Variants in YIPF7 observed in about 807,000 individuals in gnomAD.
The protein encoded by YIPF7 is Yip1 domain family member 7, also known as protein YIPF7.
Under a neutral mutation model 27.2 loss-of-function variants are expected in YIPF7, and 35 were observed. The ratio of observed to expected loss-of-function variants is 1.29; its 90% confidence interval spans 0.98 to 1.70. The LOEUF (loss-of-function observed/expected upper bound fraction) is 1.70, where lower values mean the gene tolerates loss of function less well. Ranked by LOEUF, YIPF7 falls within the 40% of genes most tolerant of loss-of-function variation. YIPF7 has a pLI of 0.00. For synonymous variants in YIPF7, 137 were observed against 110.4 expected, an observed-to-expected ratio of 1.24 and a Z score of -1.51; for missense variants, 358 against 303.7, an observed-to-expected ratio of 1.18 and a Z score of -1.33.
intron 1 of YIPF7, among the ~76,000 whole-genome samples, chr4:44,651,191 T>C (rs553284928): frequency 6.6e-6 from 1 of 152,270 alleles, no homozygotes; most frequent in Non-Finnish European, 1.5e-5. Flanking sequence ...TTCAGTTCAA[T>C]GAAAACACAA....
At chr4:44,633,326 A>G (rs1488400750) in intron 3 of YIPF7, among the ~76,000 whole-genome samples, 1 of 152,220 alleles carries the variant, frequency 6.6e-6, no homozygotes, top group Admixed American at 6.5e-5. Flanking sequence ...ATTGAAAGAC[A>G]TGTTAGAGGA....
In YIPF7 at chr4:44,637,340, C is replaced by T. The variant is rs914858574; in HGVS notation, c.117-1255G>A. Among the ~76,000 whole-genome samples, 22 of 152,136 alleles carry T rather than the reference C, an allele frequency of 1.4e-4. No homozygotes were observed. In the South Asian group the frequency reaches 1.4e-3, roughly 10 times the overall value. ...ATCTTCATACTGTTTTCCATAGAGG[C>T]TAATAATTTACATTCCCACCAACAG... On this transcript the variant is annotated intron_variant, in intron 2 of 5. Coordinates refer to ENST00000415895, the MANE Select transcript of YIPF7 (RefSeq NM_182592.3).
At chr4:44,641,780 C>T (rs374124064) in intron 2 of YIPF7, among the ~76,000 whole-genome samples, 11 of 152,130 alleles carry the variant, frequency 7.2e-5, no homozygotes, top group African/African-American at 2.7e-4. Flanking sequence ...CAAATGTATG[C>T]TCATTAAGAG....
At chr4:44,629,618 T>G (rs749788009) in intron 3 of YIPF7, 70 bp from the exon 4 acceptor site, 3 of 1,179,208 alleles carry the variant, frequency 2.5e-6, no homozygotes, top group Non-Finnish European at 3.4e-6. Context: ...GTTACACTCT[T>G]TAAAGGTTAA....
chr4:44,625,937 G>T (rs1712618661), intron 4 of YIPF7, among the ~76,000 whole-genome samples: 1 of 152,166 alleles, frequency 6.6e-6, no homozygotes, highest in Non-Finnish European at 1.5e-5. Flanking sequence ...AACAATGAAG[G>T]ATCTGATAAA....
chr4:44,634,941 G>A (rs1333191543), intron 3 of YIPF7, among the ~76,000 whole-genome samples: 1 of 152,106 alleles, frequency 6.6e-6, no homozygotes, highest in Admixed American at 6.5e-5. Context: ...AAACTTGACT[G>A]GCTTCTAAAG....
At chr4:44,651,222 T>G (rs2046910) in intron 1 of YIPF7, among the ~76,000 whole-genome samples, 3 of 152,014 alleles carry the variant, frequency 2.0e-5, no homozygotes, top group Non-Finnish European at 4.4e-5. Flanking sequence ...TAAAATTAGA[T>G]GCAGCGATTC....
Position 44,649,933 on chromosome 4 carries a change from G to A in YIPF7, c.116+52C>T, listed in dbSNP as rs1420605312. 7 of 933,104 alleles carry A rather than the reference G, an allele frequency of 7.5e-6. No homozygotes were observed. In the South Asian group the frequency reaches 9.5e-5, roughly 13 times the overall value. 57.8% of individuals were successfully genotyped at this position (933,104 alleles called of 1,614,324 possible). ...TATTGAATTTTTACAATATGTGGGT[G>A]ACAGAGTGAGACTCTGTCAAAAAAA... On this transcript the variant is annotated intron_variant, in intron 2 of 5. Transcript: ENST00000415895.
At chr4:44,652,847 C>A (rs1176722729), upstream of YIPF7, among the ~76,000 whole-genome samples, 1 of 151,838 alleles carries the variant, frequency 6.6e-6, no homozygotes, top group Non-Finnish European at 1.5e-5. Flanking sequence ...CCCATTTTAC[C>A]AAAAAATAAA....
chr4:44,629,305 T>C (rs1712789601), intron 4 of YIPF7, 98 bp downstream of exon 4: 5 of 1,295,866 alleles, frequency 3.9e-6, no homozygotes, highest in Admixed American at 3.9e-5. Flanking sequence ...ATTCACTATG[T>C]AAGGTGACAC....
chr4:44,637,122 C>A (rs1341081229), intron 2 of YIPF7, among the ~76,000 whole-genome samples: 1 of 151,942 alleles, frequency 6.6e-6, no homozygotes, highest in Non-Finnish European at 1.5e-5. Flanking sequence ...TGTATATATA[C>A]CACATTTTCT....
intron 3 of YIPF7, among the ~76,000 whole-genome samples, chr4:44,633,841 C>A (rs909133435): frequency 6.6e-6 from 1 of 151,976 alleles, no homozygotes; most frequent in African/African-American, 2.4e-5. Flanking sequence ...AACAAAAAAA[C>A]CCATGAAAAA....
chr4:44,627,435 C>T (rs1712701500), intron 4 of YIPF7, among the ~76,000 whole-genome samples: 1 of 152,090 alleles, frequency 6.6e-6, no homozygotes, highest in African/African-American at 2.4e-5. Context: ...GATATTGATT[C>T]TGGATTTAGT....
At chr4:44,647,932 C>T (rs1577742755) in intron 2 of YIPF7, among the ~76,000 whole-genome samples, 2 of 151,928 alleles carry the variant, frequency 1.3e-5, no homozygotes, top group Non-Finnish European at 2.9e-5. Context: ...AAAATTAATA[C>T]ATTTGAAATA....
chr4:44,660,113 C>CAAA (rs11461675), intron 2 of YIPF7, among the ~76,000 whole-genome samples: 871 of 25,448 alleles, frequency 0.034, 246 homozygotes, highest in Non-Finnish European at 0.053. Context: ...GACTCTGTCT[C>CAAA]AAAAAAAAAA....
At chr4:44,656,808 G>T (rs1036930830) in intron 2 of YIPF7, among the ~76,000 whole-genome samples, 3 of 151,812 alleles carry the variant, frequency 2.0e-5, no homozygotes, top group Non-Finnish European at 4.4e-5. Context: ...GAGATTCAAC[G>T]TTTCCTTAGC....
At chr4:44,637,238 C>G (rs1285976228) in intron 2 of YIPF7, among the ~76,000 whole-genome samples, 1 of 151,994 alleles carries the variant, frequency 6.6e-6, no homozygotes, top group Non-Finnish European at 1.5e-5. Flanking sequence ...GATATATTGA[C>G]TTCTTTTCCT....
intron 2 of YIPF7, among the ~76,000 whole-genome samples, chr4:44,638,959 A>G (rs1029450585): frequency 7.2e-5 from 11 of 152,110 alleles, no homozygotes; most frequent in African/African-American, 2.2e-4. Context: ...CCTTTTTCCA[A>G]CTTATGTTGT....
intron 2 of YIPF7, among the ~76,000 whole-genome samples, chr4:44,647,950 T>C (rs1467165645): frequency 2.0e-5 from 3 of 152,128 alleles, no homozygotes; most frequent in African/African-American, 7.2e-5. Context: ...ATATACCACA[T>C]ATCCTAATTT....
Sources: allele counts gnomAD v4.1 joint callset (sites outside exome capture counted in the v4.1 genomes callset), GRCh38; gene constraint gnomAD v4.1.1; transcripts MANE v1.5; gene names NCBI Gene and HGNC (gene_info 2026-07-23, HGNC 2026-07-21).